Variants in CTNNA2 observed in about 807,000 individuals in gnomAD.
The protein encoded by CTNNA2 is catenin alpha 2.
Under a neutral mutation model 101.0 loss-of-function variants are expected in CTNNA2, and 42 were observed. The ratio of observed to expected loss-of-function variants is 0.42; its 90% CI spans 0.32 to 0.54. The LOEUF (loss-of-function observed/expected upper bound fraction) is 0.54. Ranked by LOEUF, CTNNA2 falls within the 20% of genes least tolerant of loss-of-function variation. The probability of loss-of-function intolerance (pLI) is 0.14; values close to 1 mark genes in which losing one functional copy is unlikely to be tolerated. For missense variants in CTNNA2, 871 were observed against 1,223.1 expected (o/e 0.71, Z 4.29); for synonymous variants, 450 against 456.4 (o/e 0.99, Z 0.18).
intron 9 of CTNNA2, among the ~76,000 whole-genome samples, chr2:80,470,060 G>T (rs940767660): frequency 1.3e-5 from 2 of 152,050 alleles, no homozygotes; most frequent in Non-Finnish European, 2.9e-5. Flanking sequence ...TCCTTTACCC[G>T]TGCGGGGGAG....
intron 7 of CTNNA2, among the ~76,000 whole-genome samples, chr2:80,017,643 C>T (rs1694251359): frequency 2.0e-5 from 3 of 151,598 alleles, no homozygotes; most frequent in Admixed American, 1.3e-4. Flanking sequence ...ATAAGTCTTC[C>T]CAGGGTTCTA....
intron 18 of CTNNA2, among the ~76,000 whole-genome samples, chr2:80,628,194 T>C (rs1311530013): frequency 2.6e-5 from 4 of 151,894 alleles, no homozygotes; most frequent in African/African-American, 4.8e-5. Context: ...ATGCCCAAGG[T>C]AGTTTGTAGA....
chr2:79,773,311 C>T (rs934628205), intron 3 of CTNNA2, among the ~76,000 whole-genome samples: 1 of 152,202 alleles, frequency 6.6e-6, no homozygotes, highest in African/African-American at 2.4e-5. Context: ...TAAGGATGCA[C>T]TCCCATGACA....
intron 3 of CTNNA2, among the ~76,000 whole-genome samples, chr2:79,325,011 TC>T (rs1676713994): frequency 6.6e-6 from 1 of 152,040 alleles, no homozygotes; most frequent in African/African-American, 2.4e-5. Flanking sequence ...AAGTCTCAAA[TC>T]CCCGGCTTTC....
intron 7 of CTNNA2, among the ~76,000 whole-genome samples, chr2:79,958,744 A>G (rs1036100509): frequency 6.6e-6 from 1 of 152,086 alleles, no homozygotes; most frequent in Non-Finnish European, 1.5e-5. Context: ...CACAAGAATA[A>G]ACAATACACT....
intron 7 of CTNNA2, among the ~76,000 whole-genome samples, chr2:79,910,844 G>A (rs1257142773): frequency 6.6e-6 from 1 of 152,184 alleles, no homozygotes; most frequent in East Asian, 1.9e-4. Context: ...TAACAGACAT[G>A]CAAGCAAGGA....
intron 7 of CTNNA2, among the ~76,000 whole-genome samples, chr2:80,077,959 AT>A (rs1440998418): frequency 1.3e-5 from 2 of 152,292 alleles, no homozygotes; most frequent in Non-Finnish European, 2.9e-5. Flanking sequence ...AACATAGTAA[AT>A]TTTTATGTAG....
intron 2 of CTNNA2, among the ~76,000 whole-genome samples, chr2:79,206,828 A>C (rs1018801427): frequency 6.6e-6 from 1 of 152,172 alleles, no homozygotes; most frequent in Non-Finnish European, 1.5e-5. Context: ...AAAGAGCAGA[A>C]TCAATAAAAT....
intron 1 of CTNNA2, among the ~76,000 whole-genome samples, chr2:79,584,019 T>C (rs1300620357): frequency 6.6e-6 from 1 of 152,190 alleles, no homozygotes; most frequent in African/African-American, 2.4e-5. Context: ...TTGTAGGCTA[T>C]TTATTTCACA....
intron 1 of CTNNA2, among the ~76,000 whole-genome samples, chr2:79,576,294 A>G (rs1244776186): frequency 1.3e-5 from 2 of 152,186 alleles, no homozygotes; most frequent in Admixed American, 6.5e-5. Flanking sequence ...GAATTTTACA[A>G]AAAGAGTTAA....
chr2:79,815,380 C>T (rs543484924), intron 3 of CTNNA2, among the ~76,000 whole-genome samples: 14 of 152,244 alleles, frequency 9.2e-5, no homozygotes, highest in Non-Finnish European at 1.6e-4. Context: ...TCAATGTTAT[C>T]ATTGAGAATT....
chr2:80,001,421 C>G (rs569282604), intron 7 of CTNNA2, among the ~76,000 whole-genome samples: 1 of 152,252 alleles, frequency 6.6e-6, no homozygotes, highest in East Asian at 1.9e-4. Context: ...GTACATTTAT[C>G]TAAGTGTTAG....
intron 1 of CTNNA2, among the ~76,000 whole-genome samples, chr2:79,647,729 A>T (rs1286478182): frequency 3.3e-5 from 5 of 152,198 alleles, no homozygotes; most frequent in African/African-American, 1.2e-4. Flanking sequence ...GCTATTGCTG[A>T]TTAATAGTTA....
chr2:79,784,614 A>G (rs915240380), intron 3 of CTNNA2, among the ~76,000 whole-genome samples: 1 of 151,590 alleles, frequency 6.6e-6, no homozygotes, highest in African/African-American at 2.4e-5. Context: ...CTCAGGTTGT[A>G]TTTGGGGTCA....
At chr2:80,368,481 A>G (rs1261669920) in intron 7 of CTNNA2, among the ~76,000 whole-genome samples, 2 of 151,792 alleles carry the variant, frequency 1.3e-5, no homozygotes, top group African/African-American at 2.4e-5. Context: ...TGAATGCACT[A>G]TACACAGATG....
At chr2:80,198,835 C>T (rs979891146) in intron 7 of CTNNA2, among the ~76,000 whole-genome samples, 8 of 152,022 alleles carry the variant, frequency 5.3e-5, no homozygotes, top group East Asian at 1.9e-4. Context: ...ATATGCCCAA[C>T]GTCAGTTTTG....
chr2:80,603,788 T>G, intron 15 of CTNNA2: 1 of 329,926 alleles, frequency 3.0e-6, no homozygotes, highest in South Asian at 4.5e-5. Context: ...AACTATAAAA[T>G]TTTCATTTCT....
At chr2:80,393,333 A>G (rs1677699314) in intron 8 of CTNNA2, 42 bp downstream of exon 8, 1 of 1,395,850 alleles carries the variant, frequency 7.2e-7, no homozygotes, top group Admixed American at 1.9e-5. Flanking sequence ...GATATTCAGT[A>G]GTGGTTTCCA....
chr2:80,366,769 A>G (rs1353678642), intron 7 of CTNNA2, among the ~76,000 whole-genome samples: 1 of 152,136 alleles, frequency 6.6e-6, no homozygotes, highest in African/African-American at 2.4e-5. Context: ...TACTTTAGAA[A>G]GTTTCTTTTG....
Sources: gnomAD v4.1 joint callset for allele counts (sites outside exome capture counted in the v4.1 genomes callset) on GRCh38, gnomAD v4.1.1 for gene constraint, MANE v1.5 for transcripts, NCBI Gene and HGNC (gene_info 2026-07-23, HGNC 2026-07-21) for gene names.